Variants in ODR4 observed in about 807,000 individuals in gnomAD.
ODR4 encodes odr-4 GPCR localization factor homolog, also known as protein odr-4 homolog.
A neutral mutation model predicts 60.2 loss-of-function variants in ODR4; 47 were observed. The observed-to-expected ratio is 0.78, with a 90% CI of 0.62 to 1.00. The LOEUF (loss-of-function observed/expected upper bound fraction) is 1.00. Ranked by LOEUF, ODR4 falls within the 50% of genes least tolerant of loss-of-function variation. The pLI is 0.00. For synonymous variants in ODR4, 178 were observed against 175.5 expected (o/e 1.01, Z -0.11); for missense variants, 488 against 530.8 (o/e 0.92, Z 0.79).
intron 11 of ODR4, among the ~76,000 whole-genome samples, chr1:186,402,187 A>ATTCATTCTTTCTTTCTTTCTTTCT (rs1553236963): frequency 3.0e-5 from 4 of 135,424 alleles, no homozygotes; most frequent in Non-Finnish European, 6.2e-5. Flanking sequence ...TAGGCATCCT[A>ATTCATTCTTTCTTTCTTTCTTTCT]TTCTTTCTTT....
At chr1:186,411,242 A>G (rs894553447) in intron 12 of ODR4, among the ~76,000 whole-genome samples, 1 of 152,142 alleles carries the variant, frequency 6.6e-6, no homozygotes, top group Non-Finnish European at 1.5e-5. Flanking sequence ...ATTTAAAAAA[A>G]TCTGAAATCT....
chr1:186,395,550 A>G (rs765835255), intron 9 of ODR4, among the ~76,000 whole-genome samples: 5 of 152,146 alleles, frequency 3.3e-5, no homozygotes, highest in Non-Finnish European at 7.4e-5. Context: ...CCTTATTTGT[A>G]GTATTAAGCT....
At chr1:186,393,897 A>C (rs1269586128) in intron 8 of ODR4, 50 bp from the exon 9 acceptor site, 2 of 968,044 alleles carry the variant, frequency 2.1e-6, no homozygotes, top group Admixed American at 4.7e-5. Flanking sequence ...GTTGTCTTTT[A>C]TGTTTTACAG....
At chr1:186,379,344 G>A (rs370886586) in intron 1 of ODR4, among the ~76,000 whole-genome samples, 15 of 151,470 alleles carry the variant, frequency 9.9e-5, no homozygotes, top group Non-Finnish European at 1.9e-4. Context: ...TCAGGAGGCC[G>A]AGGCAGGAGA....
chr1:186,382,598 CA>C (rs1365693968), intron 2 of ODR4, among the ~76,000 whole-genome samples: 1 of 152,166 alleles, frequency 6.6e-6, no homozygotes, highest in Non-Finnish European at 1.5e-5. Context: ...AAATAAGATA[CA>C]AAAGGTCACT....
At chr1:186,392,810 C>G (rs563009306) in intron 8 of ODR4, among the ~76,000 whole-genome samples, 1 of 152,242 alleles carries the variant, frequency 6.6e-6, no homozygotes, top group African/African-American at 2.4e-5. Flanking sequence ...CAAGACCAGC[C>G]TGGTCAGCAT....
At chr1:186,424,764 C>T (rs1428214373), downstream of ODR4, among the ~76,000 whole-genome samples, 2 of 151,926 alleles carry the variant, frequency 1.3e-5, no homozygotes, top group African/African-American at 2.4e-5. Flanking sequence ...GTGGCTTCTC[C>T]ATGGGACTTG....
At chr1:186,431,621 A>AT in the ODR4 span, among the ~76,000 whole-genome samples, 1 of 152,208 alleles carries the variant, frequency 6.6e-6, no homozygotes, top group African/African-American at 2.4e-5. Flanking sequence ...GATATGTAGT[A>AT]TTTTTATGGA....
intron 12 of ODR4, among the ~76,000 whole-genome samples, chr1:186,408,848 AAG>A (rs1243433442): frequency 2.0e-5 from 3 of 152,084 alleles, no homozygotes; most frequent in South Asian, 2.1e-4. Context: ...AAAGAATAGG[AAG>A]AGAGAGTCAT....
In ODR4 at chr1:186,420,482, G is replaced by A. The variant is rs1021697312; in HGVS notation, c.*1406G>A. On this transcript the variant is annotated 3_prime_UTR_variant, in exon 14 of 14. Transcript: ENST00000287859. The stretch of plus-strand genomic sequence containing the variant: ...TGAAACAAACTAACATGACAAGAAA[G>A]CTATAGAAAAAATAAACATTGAACT... 3.3e-5 allele frequency: 5 copies of A among 152,200 alleles called. No homozygotes were observed. The highest frequency in any genetic ancestry group is 7.2e-5 in the African/African-American group (3 of 41,526). The allele number at this position is 152,200 out of a possible 1,614,324, so 9.4% of individuals were successfully genotyped here.
intron 12 of ODR4, among the ~76,000 whole-genome samples, chr1:186,415,155 GAAGAAA>G (rs1192996531): frequency 6.6e-6 from 1 of 151,816 alleles, no homozygotes; most frequent in Non-Finnish European, 1.5e-5. Flanking sequence ...AATGCTAGAA[GAAGAAA>G]AAGAAAAAAG....
intron 12 of ODR4, among the ~76,000 whole-genome samples, chr1:186,406,675 C>A (rs1485852488): frequency 6.7e-6 from 1 of 149,908 alleles, no homozygotes; most frequent in South Asian, 2.1e-4. Flanking sequence ...ACATTTTCTC[C>A]ATATTATTTG....
downstream of ODR4, among the ~76,000 whole-genome samples, chr1:186,425,953 G>A (rs182149078): frequency 6.6e-6 from 1 of 152,260 alleles, no homozygotes; most frequent in Non-Finnish European, 1.5e-5. Flanking sequence ...TTGATGATAG[G>A]CAGCTAGAAG....
rs1660473323 is a variant in ODR4, at chr1:186,391,679, GT to G, written c.616-15del. The stretch of plus-strand genomic sequence containing the variant: ...GGCATTGTATCTGAAAGATTTCCAT[GT>G]TGTGTTTCTGTTAAGAATGGACTTA... On this transcript the variant is annotated splice_polypyrimidine_tract_variant and intron_variant, in intron 7 of 13. Coordinates refer to ENST00000287859, the MANE Select transcript of ODR4 (RefSeq NM_017847.6). 1 of 1,501,784 alleles carries G rather than the reference GT, an allele frequency of 6.7e-7. No homozygotes were observed. Among genetic ancestry groups the G allele is most frequent in the African/African-American group, 1.4e-5 (1 of 72,804 alleles). 93.0% of individuals were successfully genotyped at this position (1,501,784 alleles called of 1,614,324 possible). A position where few individuals can be genotyped will look rare whatever the true frequency, so the allele number is the denominator to read the frequency against.
chr1:186,387,495 A>T (rs1470937321), intron 4 of ODR4, among the ~76,000 whole-genome samples: 2 of 152,222 alleles, frequency 1.3e-5, no homozygotes, highest in Non-Finnish European at 2.9e-5. Context: ...GTTCCTAAAA[A>T]GTATATAAAA....
chr1:186,409,317 G>GA (rs1465386977), intron 12 of ODR4, among the ~76,000 whole-genome samples: 2 of 152,148 alleles, frequency 1.3e-5, no homozygotes, highest in East Asian at 3.8e-4. Flanking sequence ...AAATTCTCAT[G>GA]AAACCGTTAC....
At chr1:186,394,316 T>C (rs909130629) in intron 9 of ODR4, among the ~76,000 whole-genome samples, 14 of 152,174 alleles carry the variant, frequency 9.2e-5, no homozygotes, top group African/African-American at 3.4e-4. Context: ...GTAGCTTTTA[T>C]AGTTAAAGTT....
chr1:186,404,060 A>C (rs999231261), intron 11 of ODR4, among the ~76,000 whole-genome samples: 1 of 152,246 alleles, frequency 6.6e-6, no homozygotes, highest in Non-Finnish European at 1.5e-5. Flanking sequence ...ATAACTTAAA[A>C]GTTTCAGTAC....
intron 5 of ODR4, 42 bp downstream of exon 5, chr1:186,388,590 A>G: frequency 1.8e-6 from 2 of 1,124,334 alleles, no homozygotes; most frequent in South Asian, 3.2e-5. Context: ...ACAAAGTACC[A>G]AAATAATATT....
Sources: allele counts gnomAD v4.1 joint callset (sites outside exome capture counted in the v4.1 genomes callset), GRCh38; gene constraint gnomAD v4.1.1; transcripts MANE v1.5; gene names NCBI Gene and HGNC (gene_info 2026-07-23, HGNC 2026-07-21).